CLTCL1: variants seen among roughly 807,000 people sequenced by gnomAD.
The protein encoded by CLTCL1 is clathrin heavy chain 2.
CLTCL1 carries 159 observed loss-of-function variants against 190.0 expected under a neutral mutation model. The ratio of observed to expected loss-of-function variants is 0.84; its 90% CI spans 0.74 to 0.95. CLTCL1 has a LOEUF of 0.95. CLTCL1 is among the 40% of genes least tolerant of loss of function. The pLI is 0.00. For synonymous variants in CLTCL1, 752 were observed against 769.6 expected, an observed-to-expected ratio of 0.98 and a Z score of 0.38; for missense variants, 1,878 against 2,033.4, an observed-to-expected ratio of 0.92 and a Z score of 1.47.
intron 2 of CLTCL1, among the ~76,000 whole-genome samples, chr22:19,260,266 T>C (rs576143340): frequency 6.6e-6 from 1 of 152,294 alleles, no homozygotes; most frequent in African/African-American, 2.4e-5. Flanking sequence ...CCAGACGACC[T>C]AGCTAAGATC....
Position 19,201,428 on chromosome 22 carries a change from A to G in CLTCL1, c.3666T>C (p.Ser1222=). The part of the protein sequence containing the change: ...EAAKLLYSNV[S]NFARLASTLV... ...AGGTGGAAGCCAGGCGGGCAAAGTT[A>G]GAAACATTGCTATAGAGCAGCTTGG... The change falls in exon 23 of 33, where the codon TCT becomes TCC. Residue 1222 remains serine (S), a synonymous_variant. Coordinates refer to ENST00000427926, the MANE Select transcript of CLTCL1 (RefSeq NM_007098.4). The G allele has an allele frequency of 1.2e-6, 2 of 1,613,960 alleles. No homozygotes were observed. The highest frequency in any genetic ancestry group is 1.1e-5 in the South Asian group (1 of 91,086).
At position 19,191,292 on chromosome 22, in the gene CLTCL1, T is replaced by C. The variant is rs782041868; in HGVS notation, c.4323+12A>G. On this transcript the variant is annotated intron_variant, in intron 27 of 32. Coordinates refer to ENST00000427926, the MANE Select transcript of CLTCL1 (RefSeq NM_007098.4). ...CAATACACTCTTCTACCTGGGGTTT[T>C]GGTTGACTCACCTTTGAAAAGAAAC... 8.1e-6 allele frequency: 13 copies of C among 1,614,018 alleles called. No individual in the cohort carries two copies. The highest frequency in any genetic ancestry group is 5.5e-5 in the South Asian group (5 of 91,080).
chr22:19,251,414 A>G (rs2086586868), intron 3 of CLTCL1, among the ~76,000 whole-genome samples: 1 of 152,078 alleles, frequency 6.6e-6, no homozygotes, highest in Non-Finnish European at 1.5e-5. Context: ...GTCATCTGCA[A>G]ATAGAGACAG....
At chr22:19,203,649 C>A (rs1306018754) in intron 22 of CLTCL1, among the ~76,000 whole-genome samples, 1 of 152,162 alleles carries the variant, frequency 6.6e-6, no homozygotes, top group Non-Finnish European at 1.5e-5. Flanking sequence ...GTCCATCCCC[C>A]CCCAGCCCCA....
At chr22:19,236,715 G>A (rs2086092962) in intron 5 of CLTCL1, among the ~76,000 whole-genome samples, 1 of 152,182 alleles carries the variant, frequency 6.6e-6, no homozygotes, top group Non-Finnish European at 1.5e-5. Flanking sequence ...GGGAAGCCAA[G>A]GCAGGAGGAT....
At chr22:19,270,980 T>A (rs1271928029) in intron 2 of CLTCL1, among the ~76,000 whole-genome samples, 1 of 151,568 alleles carries the variant, frequency 6.6e-6, no homozygotes, top group African/African-American at 2.4e-5. Context: ...ATATTCAGCA[T>A]CACTAAAAGG....
chr22:19,261,845 A>G (rs1555975751), intron 2 of CLTCL1, among the ~76,000 whole-genome samples: 1 of 152,206 alleles, frequency 6.6e-6, no homozygotes, highest in Non-Finnish European at 1.5e-5. Context: ...TTAGAACAGT[A>G]CATAAACTTA....
chr22:19,265,891 C>T (rs1267695140), intron 2 of CLTCL1, among the ~76,000 whole-genome samples: 1 of 152,146 alleles, frequency 6.6e-6, no homozygotes, highest in Non-Finnish European at 1.5e-5. Flanking sequence ...TTTATTTTTA[C>T]AGACAGGGTC....
chr22:19,206,674 C>G (rs138131417), intron 22 of CLTCL1, among the ~76,000 whole-genome samples: 2 of 152,138 alleles, frequency 1.3e-5, no homozygotes, highest in South Asian at 2.1e-4. Flanking sequence ...TGTGCCCAAA[C>G]GATTCTCGCA....
In CLTCL1 at chr22:19,275,682, C is replaced by A. The variant is rs782724986; in HGVS notation, c.191G>T (p.Arg64Leu). ...DMSDPMAPIRRPISAESAIMN... is the reference protein window; with the variant it reads ...DMSDPMAPIRLPISAESAIMN... Reference sequence around the variant, plus strand: ...GATGGCACTCTCTGCAGAGATAGGCCGTCGGATCGGAGCCATTGGGTCACT... The same window carrying A: ...GATGGCACTCTCTGCAGAGATAGGCAGTCGGATCGGAGCCATTGGGTCACT... The change falls in exon 2 of 33, where the codon CGG becomes CTG. Residue 64 changes from arginine to leucine, a missense_variant. Transcript: ENST00000427926. 6.2e-7 allele frequency: 1 copy of A among 1,606,102 alleles called. No homozygotes were observed. The highest frequency in any genetic ancestry group is 8.5e-7 in the Non-Finnish European group (1 of 1,176,276).
At chr22:19,201,840 C>T (rs1388120771) in intron 22 of CLTCL1, among the ~76,000 whole-genome samples, 1 of 152,112 alleles carries the variant, frequency 6.6e-6, no homozygotes, top group Non-Finnish European at 1.5e-5. Context: ...CAATAAAAAC[C>T]GTTCACAACC....
intron 2 of CLTCL1, chr22:19,257,817 A>C (rs2086812201): frequency 7.0e-7 from 1 of 1,429,256 alleles, no homozygotes; most frequent in African/African-American, 1.4e-5. Flanking sequence ...GGACAGAGTG[A>C]GGAGCCTGGA....
chr22:19,190,044 G>A (rs1292032313), intron 27 of CLTCL1, among the ~76,000 whole-genome samples: 2 of 152,092 alleles, frequency 1.3e-5, no homozygotes, highest in African/African-American at 2.4e-5. Flanking sequence ...GGGTTCAAGC[G>A]ATTCTCCTGC....
intron 2 of CLTCL1, among the ~76,000 whole-genome samples, chr22:19,264,917 T>A (rs1224329008): frequency 2.0e-5 from 3 of 152,122 alleles, no homozygotes; most frequent in African/African-American, 7.2e-5. Flanking sequence ...GCGTCCCAAG[T>A]AGCTGGGATT....
chr22:19,287,941 G>T (rs1030380202), intron 1 of CLTCL1, among the ~76,000 whole-genome samples: 5 of 152,102 alleles, frequency 3.3e-5, no homozygotes, highest in African/African-American at 1.2e-4. Context: ...CTTATCCGTG[G>T]TTTTTTTCAC....
At chr22:19,226,896 C>T (rs1439846545) in intron 11 of CLTCL1, among the ~76,000 whole-genome samples, 3 of 152,010 alleles carry the variant, frequency 2.0e-5, no homozygotes, top group Admixed American at 6.6e-5. Flanking sequence ...CACCAACATG[C>T]CTGGCTTATT....
chr22:19,218,174 G>A (rs1555950606), intron 18 of CLTCL1, among the ~76,000 whole-genome samples: 1 of 152,188 alleles, frequency 6.6e-6, no homozygotes, highest in African/African-American at 2.4e-5. Flanking sequence ...GAAACAGGAA[G>A]ACAAGAGGCC....
chr22:19,270,304 G>C (rs1291006542), intron 2 of CLTCL1, among the ~76,000 whole-genome samples: 1 of 152,046 alleles, frequency 6.6e-6, no homozygotes, highest in Non-Finnish European at 1.5e-5. Context: ...TTGCTGCCTC[G>C]GGCCGGGAGT....
chr22:19,194,147 C>A (rs1433851964), intron 26 of CLTCL1, among the ~76,000 whole-genome samples: 1 of 152,098 alleles, frequency 6.6e-6, no homozygotes, highest in Non-Finnish European at 1.5e-5. Context: ...ATTTACAATC[C>A]TTTAGCTAGA....
Sources: allele counts gnomAD v4.1 joint callset (sites outside exome capture counted in the v4.1 genomes callset), GRCh38; gene constraint gnomAD v4.1.1; transcripts MANE v1.5; gene names NCBI Gene and HGNC (gene_info 2026-07-23, HGNC 2026-07-21).